The following CDK2AP1 variants were observed in gnomAD, a reference collection of about 807,000 sequenced individuals.
CDK2AP1 encodes the protein cyclin-dependent kinase 2-associated protein 1.
Under a neutral mutation model 14.1 loss-of-function variants are expected in CDK2AP1, and 10 were observed. The ratio of observed to expected loss-of-function variants is 0.71; its 90% CI spans 0.44 to 1.20. CDK2AP1 has a LOEUF of 1.20. Among genes scored for constraint, CDK2AP1 ranks in the 50% most tolerant of loss-of-function variants. The pLI, the probability that CDK2AP1 is intolerant of heterozygous loss-of-function variation, is 0.00. For synonymous variants in CDK2AP1, 59 were observed against 59.8 expected (o/e 0.99, Z 0.06); for missense variants, 102 against 149.9 (o/e 0.68, Z 1.67).
At chr12:123,269,748 G>A (rs1177328878) in intron 1 of CDK2AP1, among the ~76,000 whole-genome samples, 1 of 152,206 alleles carries the variant, frequency 6.6e-6, no homozygotes, top group Admixed American at 6.5e-5. Flanking sequence ...GCCGCGGCTT[G>A]GCAACCCGTG....
chr12:123,267,563 T>C, intron 1 of CDK2AP1: 2 of 381,664 alleles, frequency 5.2e-6, no homozygotes, highest in South Asian at 2.5e-5. Context: ...CTCCCAAAGA[T>C]AAAATTATTG....
At chr12:123,267,741 G>T in intron 1 of CDK2AP1, 1 of 163,004 alleles carries the variant, frequency 6.1e-6, no homozygotes, top group South Asian at 1.6e-4. Flanking sequence ...TGTGCTCAAT[G>T]ACAGGGAAGA....
chr12:123,267,362 C>G lies in CDK2AP1; in HGVS notation c.56-80G>C, dbSNP rs565035256. 4.8e-6 allele frequency: 4 copies of G among 835,240 alleles called. No homozygotes were observed. In the African/African-American group the frequency reaches 6.7e-5, roughly 14 times the overall value. 51.7% of individuals were successfully genotyped at this position (835,240 alleles called of 1,614,324 possible). ...AAGGACTCCGGGTCCTGCAACAGCC[C>G]TTGCCCAGGACCCACACCACCAACT... On this transcript the variant is annotated intron_variant, in intron 1 of 3. Transcript: ENST00000261692.
rs1177211218 is a variant in CDK2AP1 at position 123,265,497 on chromosome 12, C to T, written c.154-175G>A. On this transcript the variant is annotated intron_variant, in intron 2 of 3. Transcript: ENST00000261692. This position sits in a 1 kb window ranked among gnomAD's most constrained non-coding sequence, Gnocchi z 5.3. The stretch of plus-strand genomic sequence containing the variant: ...CAGCCTGGGCAACAGAGCGAGACTC[C>T]ATCTCGGGGGAAAAAAAAAAAAAAG... 7.8e-6 allele frequency among the ~76,000 whole-genome samples: 1 copy of T among 128,196 alleles called. No homozygotes were observed. The highest frequency in any genetic ancestry group is 1.8e-5 in the Non-Finnish European group (1 of 54,340). 84.1% of individuals were successfully genotyped at this position (128,196 alleles called of 152,430 possible).
Position 123,265,256 on chromosome 12 carries a change from C to T in CDK2AP1, c.220G>A (p.Gly74Arg). ...GCGTACGTGGGTCTGATCTCCTTCC[C>T]CAGCTCTTCAATGATGGCCAGCAGC... Reference protein sequence around the residue: ...AELLAIIEELGKEIRPTYAGS... With the variant: ...AELLAIIEELRKEIRPTYAGS... Residue 74 changes from glycine to arginine, a missense_variant, in exon 3 of 4, where the codon GGG becomes AGG. Transcript: ENST00000261692. This position sits in a 1 kb window ranked among gnomAD's most constrained non-coding sequence, Gnocchi z 5.3. The T allele has an allele frequency of 6.2e-7, 1 of 1,614,204 alleles. No homozygotes were observed. The highest frequency in any genetic ancestry group is 8.5e-7 in the Non-Finnish European group (1 of 1,180,040).
intron 1 of CDK2AP1, 80 bp downstream of exon 1, chr12:123,271,484 C>T (rs2048353205): frequency 1.1e-5 from 9 of 806,632 alleles, no homozygotes; most frequent in Non-Finnish European, 1.3e-5. Context: ...GCGGGCGCCC[C>T]GGGCATCCCC....
chr12:123,264,931 GCAGCACA>G (rs1211498598), intron 3 of CDK2AP1, among the ~76,000 whole-genome samples: 35 of 152,074 alleles, frequency 2.3e-4, no homozygotes, highest in African/African-American at 8.2e-4. Context: ...AGACCCCCTG[GCAGCACA>G]CAGGGTAAGA....
chr12:123,264,468 A>AAAAG (rs2048267866), intron 3 of CDK2AP1, among the ~76,000 whole-genome samples: 1 of 28,506 alleles, frequency 3.5e-5, no homozygotes, highest in East Asian at 1.8e-3. Flanking sequence ...CTCCCAAAAA[A>AAAAG]AAAAAAAAAA....
chr12:123,271,636 G>A lies in CDK2AP1; in HGVS notation c.-18C>T. On this transcript the variant is annotated 5_prime_UTR_variant, in exon 1 of 4. Transcript: ENST00000261692. ...TAAGACATCCCCCCGGGCGGCGGGCGCGCCGGGCGCGGCGGGGCCAGGCCG... is the reference window on the plus strand; with the variant it reads ...TAAGACATCCCCCCGGGCGGCGGGCACGCCGGGCGCGGCGGGGCCAGGCCG... 2.0e-6 allele frequency: 2 copies of A among 977,010 alleles called. No homozygotes were observed. Among genetic ancestry groups the A allele is most frequent in the Non-Finnish European group, 2.4e-6 (2 of 824,126 alleles). The allele number at this position is 977,010 out of a possible 1,614,324, so 60.5% of individuals were successfully genotyped here.
intron 1 of CDK2AP1, 82 bp downstream of exon 1, chr12:123,271,482 C>T: frequency 1.3e-6 from 1 of 792,504 alleles, no homozygotes; most frequent in Non-Finnish European, 1.5e-6. Context: ...CCGCGGGCGC[C>T]CCGGGCATCC....
In CDK2AP1 at chr12:123,261,068, G is replaced by C. The variant is rs950577425; in HGVS notation, c.*668C>G. The C allele has an allele frequency of 2.3e-4, 35 of 152,544 alleles. No homozygotes were observed. The highest frequency in any genetic ancestry group is 8.2e-4 in the African/African-American group (34 of 41,456). The allele number at this position is 152,544 out of a possible 1,614,324, so 9.4% of individuals were successfully genotyped here. ...ACATACAAAGATGCAAACAGTTTTA[G>C]TCATTTTCTTCCAGATGTTTTTATC... On this transcript the variant is annotated 3_prime_UTR_variant, in exon 4 of 4. Transcript: ENST00000261692.
chr12:123,266,698 C>A (rs1593296722), intron 2 of CDK2AP1, among the ~76,000 whole-genome samples: 2 of 152,222 alleles, frequency 1.3e-5, no homozygotes, highest in African/African-American at 2.4e-5. Context: ...GTGGTGGAAC[C>A]AGGGAGCGGC....
Position 123,261,622 on chromosome 12 carries a change from G to A in CDK2AP1, c.*114C>T. ...GTTCAGAGCCAAGTGAACCATGGGA[G>A]GAAAAACGAAACTGTAACCATTTTG... On this transcript the variant is annotated 3_prime_UTR_variant, in exon 4 of 4. Transcript: ENST00000261692. 2 of 848,556 alleles carry A rather than the reference G, an allele frequency of 2.4e-6. No homozygotes were observed. Among genetic ancestry groups the A allele is most frequent in the Non-Finnish European group, 3.9e-6 (2 of 514,312 alleles). 52.6% of individuals were successfully genotyped at this position (848,556 alleles called of 1,614,324 possible). A position where few individuals can be genotyped will look rare whatever the true frequency, so the allele number is the denominator to read the frequency against.
At chr12:123,264,444 G>A (rs1360457250) in intron 3 of CDK2AP1, among the ~76,000 whole-genome samples, 1 of 115,142 alleles carries the variant, frequency 8.7e-6, no homozygotes, top group Non-Finnish European at 1.7e-5. Context: ...TGGGCAACAA[G>A]AGTAAAACTC....
intron 1 of CDK2AP1, chr12:123,271,128 G>C (rs1186721089): frequency 1.1e-5 from 7 of 643,596 alleles, no homozygotes; most frequent in Non-Finnish European, 1.3e-5. Context: ...CGCCCGGGCT[G>C]CTTCACGACC....
intron 3 of CDK2AP1, 69 bp from the exon 4 acceptor site, chr12:123,261,872 A>T: frequency 9.5e-7 from 1 of 1,049,282 alleles, no homozygotes; most frequent in South Asian, 1.3e-5. Flanking sequence ...ATTCTGAAAC[A>T]GCAAGAGGAT....
At chr12:123,263,484 G>A (rs1161929763) in intron 3 of CDK2AP1, among the ~76,000 whole-genome samples, 2 of 152,132 alleles carry the variant, frequency 1.3e-5, no homozygotes, top group East Asian at 1.9e-4. Flanking sequence ...TTACCTGTTG[G>A]ACTCTGGGAC....
At chr12:123,267,348 G>A (rs1024860471) in intron 1 of CDK2AP1, 66 bp from the exon 2 acceptor site, 4 of 947,762 alleles carry the variant, frequency 4.2e-6, no homozygotes, top group Non-Finnish European at 5.2e-6. Context: ...AGGACTCCGG[G>A]TCCTGCAACA....
rs2138811923 is a variant in CDK2AP1, at chr12:123,263,756, G to A, written c.280+1440C>T. 2.0e-5 allele frequency among the ~76,000 whole-genome samples: 3 copies of A among 152,302 alleles called. No homozygotes were observed. The Middle Eastern group carries it at 0.01, about 518-fold the overall frequency. On this transcript the variant is annotated intron_variant, in intron 3 of 3. Coordinates refer to ENST00000261692, the MANE Select transcript of CDK2AP1 (RefSeq NM_004642.4). The stretch of plus-strand genomic sequence containing the variant: ...TCCTCAACTGGCCCTCGTGTCACTG[G>A]GGCATAACTTCAACTACAGCCCCCA...
Sources: allele counts gnomAD v4.1 joint callset (sites outside exome capture counted in the v4.1 genomes callset), GRCh38; gene constraint gnomAD v4.1.1; non-coding constraint Gnocchi (gnomAD v3.1); transcripts MANE v1.5; gene names NCBI Gene and HGNC (gene_info 2026-07-23, HGNC 2026-07-21).